CEPT1: variants seen among roughly 807,000 people sequenced by gnomAD.
The protein encoded by CEPT1 is choline/ethanolamine phosphotransferase 1.
A neutral mutation model predicts 42.6 loss-of-function variants in CEPT1; 7 were observed. The ratio of observed to expected loss-of-function variants is 0.16; its 90% CI spans 0.09 to 0.31. CEPT1 has a LOEUF of 0.31. Among genes scored for constraint, CEPT1 ranks in the 10% least tolerant of loss-of-function variants. CEPT1 has a pLI of 1.00. For synonymous variants in CEPT1, 171 were observed against 171.9 expected (o/e 0.99, Z 0.04); for missense variants, 306 against 502.1 (o/e 0.61, Z 3.73).
At chr1:111,143,306 CCTT>C (rs1409539455) in intron 1 of CEPT1, among the ~76,000 whole-genome samples, 1 of 152,212 alleles carries the variant, frequency 6.6e-6, no homozygotes, top group Non-Finnish European at 1.5e-5. Flanking sequence ...ACGTCTGGCT[CCTT>C]CTTTTCCTCT....
intron 4 of CEPT1, among the ~76,000 whole-genome samples, chr1:111,168,797 G>A (rs1364060246): frequency 6.6e-6 from 1 of 152,188 alleles, no homozygotes; most frequent in African/African-American, 2.4e-5. Flanking sequence ...TTCAGTGGCA[G>A]TAATGATGGC....
chr1:111,177,863 T>C (rs1185627366), intron 5 of CEPT1, among the ~76,000 whole-genome samples: 1 of 152,164 alleles, frequency 6.6e-6, no homozygotes, highest in Non-Finnish European at 1.5e-5. Flanking sequence ...TGCCCCTTCA[T>C]CCTATTGTTA....
intron 4 of CEPT1, among the ~76,000 whole-genome samples, chr1:111,163,770 A>G (rs1262446950): frequency 2.0e-5 from 3 of 152,200 alleles, no homozygotes; most frequent in Admixed American, 6.5e-5. Flanking sequence ...GTTTGTATGC[A>G]TGGAGGAGAA....
intron 4 of CEPT1, among the ~76,000 whole-genome samples, chr1:111,168,615 A>C (rs897961664): frequency 6.6e-6 from 1 of 152,002 alleles, no homozygotes; most frequent in Admixed American, 6.6e-5. Context: ...CAGCCTCCCA[A>C]GTAGCTGTCA....
At position 111,147,793 on chromosome 1, in the gene CEPT1, A is replaced by G; in HGVS notation, c.79A>G (p.Thr27Ala). 6.2e-7 allele frequency: 1 copy of G among 1,614,160 alleles called. No individual in the cohort carries two copies. Among genetic ancestry groups the G allele is most frequent in the Non-Finnish European group, 8.5e-7 (1 of 1,180,020 alleles). ...CCCAGTGGGCTTCGGGCATATGAGT[A>G]CTACAGGATGTGTATTAAATAAATT... The part of the protein sequence containing the change: ...ESPVGFGHMS[T>A]TGCVLNKLFQ... Residue 27 changes from threonine (T) to alanine (A), a missense_variant, in exon 2 of 9, where the codon ACT (threonine) becomes GCT (alanine). Thr to Ala is a moderately conservative substitution (Grantham distance 58, BLOSUM62 0). Transcript: ENST00000357172.
At chr1:111,174,466 A>T (rs1000604537) in intron 4 of CEPT1, among the ~76,000 whole-genome samples, 1 of 152,098 alleles carries the variant, frequency 6.6e-6, no homozygotes, top group Admixed American at 6.6e-5. Context: ...ATTAAAGCAC[A>T]CCATTTATTT....
intron 5 of CEPT1, among the ~76,000 whole-genome samples, chr1:111,176,925 C>T (rs959536026): frequency 6.6e-6 from 1 of 152,106 alleles, no homozygotes; most frequent in African/African-American, 2.4e-5. Context: ...CACTTATTTA[C>T]ACGTAGATAT....
chr1:111,184,119 C>T (rs1388377915), intron 8 of CEPT1, 72 bp from the exon 9 acceptor site: 1 of 1,466,848 alleles, frequency 6.8e-7, no homozygotes, highest in Non-Finnish European at 9.4e-7. Context: ...AGAACAGAGT[C>T]CAGTCCTCTT....
At chr1:111,141,409 T>C (rs1455871404) in intron 1 of CEPT1, among the ~76,000 whole-genome samples, 1 of 152,222 alleles carries the variant, frequency 6.6e-6, no homozygotes, top group East Asian at 1.9e-4. Context: ...AAGAAATAAG[T>C]TAGTAAATCT....
chr1:111,174,605 A>G (rs1656584797), intron 4 of CEPT1, among the ~76,000 whole-genome samples: 1 of 151,006 alleles, frequency 6.6e-6, no homozygotes, highest in African/African-American at 2.4e-5. Context: ...AGGTTAACCT[A>G]TGGTTTCAGC....
At chr1:111,145,565 G>T (rs1654914334) in intron 1 of CEPT1, among the ~76,000 whole-genome samples, 1 of 152,204 alleles carries the variant, frequency 6.6e-6, no homozygotes, top group Non-Finnish European at 1.5e-5. Flanking sequence ...TCCATACCAG[G>T]CTGTGGGGTG....
rs1657200305 is a variant in CEPT1 at position 111,185,094 on chromosome 1, G to A, written c.*784G>A. 6.6e-6 allele frequency: 1 copy of A among 152,314 alleles called. No individual in the cohort carries two copies. Among genetic ancestry groups the A allele is most frequent in the Non-Finnish European group, 1.5e-5 (1 of 67,962 alleles). The allele number at this position is 152,314 out of a possible 1,614,324, so 9.4% of individuals were successfully genotyped here. Reference sequence around the variant, plus strand: ...TGTTCTTTAATAAATAAGAAAATGTGGTCCACTGCATTGTTGTGATGTGTC... The same window carrying A: ...TGTTCTTTAATAAATAAGAAAATGTAGTCCACTGCATTGTTGTGATGTGTC... On this transcript the variant is annotated 3_prime_UTR_variant, in exon 9 of 9. Transcript: ENST00000357172.
chr1:111,178,645 T>C (rs1656819824), intron 5 of CEPT1: 1 of 152,162 alleles, frequency 6.6e-6, no homozygotes, highest in Non-Finnish European at 1.5e-5. Flanking sequence ...GAAGAATATA[T>C]TCTTATTTGG....
At chr1:111,139,783 C>A (rs1654164212), upstream of CEPT1, 1 of 152,502 alleles carries the variant, frequency 6.6e-6, no homozygotes, top group South Asian at 2.1e-4. Context: ...GGAGCTGAGC[C>A]CAGCTGCACT....
At chr1:111,159,997 C>T (rs1379294769) in intron 3 of CEPT1, 1 of 152,276 alleles carries the variant, frequency 6.6e-6, no homozygotes, top group Non-Finnish European at 1.5e-5. Flanking sequence ...TGGAAATTTG[C>T]TAAGAGAGTA....
chr1:111,157,162 C>T (rs964640141), intron 2 of CEPT1, among the ~76,000 whole-genome samples: 11 of 152,258 alleles, frequency 7.2e-5, no homozygotes, highest in Admixed American at 5.9e-4. Context: ...TGCAGATTCA[C>T]AGGAAGAAAG....
intron 1 of CEPT1, among the ~76,000 whole-genome samples, chr1:111,146,311 A>G (rs562734380): frequency 6.6e-6 from 1 of 152,228 alleles, no homozygotes; most frequent in East Asian, 1.9e-4. Flanking sequence ...TAAAAGTCAC[A>G]TGTATATATT....
At chr1:111,170,799 A>G (rs1656377965) in intron 4 of CEPT1, among the ~76,000 whole-genome samples, 1 of 152,114 alleles carries the variant, frequency 6.6e-6, no homozygotes, top group African/African-American at 2.4e-5. Flanking sequence ...TTTAAACAAA[A>G]TCCTTCTCTT....
At chr1:111,140,120 C>T (rs974736179), upstream of CEPT1, 2 of 146,014 alleles carry the variant, frequency 1.4e-5, no homozygotes, top group African/African-American at 2.5e-5. Flanking sequence ...GGGCGCGCTC[C>T]CGAGCAGACC....
Sources: allele counts gnomAD v4.1 joint callset (sites outside exome capture counted in the v4.1 genomes callset), GRCh38; gene constraint gnomAD v4.1.1; transcripts MANE v1.5; gene names NCBI Gene and HGNC (gene_info 2026-07-23, HGNC 2026-07-21).